Variants in CTNND2 observed in about 807,000 individuals in gnomAD.
The protein encoded by CTNND2 is catenin delta-2.
In CTNND2, 22 loss-of-function variants were observed where a neutral mutation model predicts 144.4. The ratio of observed to expected loss-of-function variants is 0.15; its 90% CI spans 0.11 to 0.22. The LOEUF is 0.22. Among genes scored for constraint, CTNND2 ranks in the 10% least tolerant of loss-of-function variants. CTNND2 has a pLI of 1.00. For synonymous variants in CTNND2, 751 were observed against 695.6 expected (o/e 1.08, Z -1.25); for missense variants, 1,353 against 1,618.8 (o/e 0.84, Z 2.82).
chr5:11,801,168 A>T (rs1791660725), intron 1 of CTNND2, among the ~76,000 whole-genome samples: 1 of 152,238 alleles, frequency 6.6e-6, no homozygotes. Context: ...TAAATAGCAC[A>T]CTGGCAAAAT....
chr5:11,296,672 T>C (rs915326177), intron 9 of CTNND2, among the ~76,000 whole-genome samples: 3 of 152,242 alleles, frequency 2.0e-5, no homozygotes, highest in Non-Finnish European at 2.9e-5. Context: ...GATGAGTTCA[T>C]GTCCTTTGTA....
intron 3 of CTNND2, among the ~76,000 whole-genome samples, chr5:11,427,414 A>G (rs1762877085): frequency 6.6e-6 from 1 of 151,274 alleles, no homozygotes; most frequent in South Asian, 2.1e-4. Context: ...AGTAGCTGGG[A>G]CTACAGGCGT....
intron 3 of CTNND2, among the ~76,000 whole-genome samples, chr5:11,413,847 C>T (rs1194489159): frequency 6.6e-6 from 1 of 152,142 alleles, no homozygotes; most frequent in African/African-American, 2.4e-5. Context: ...TAAGTGTTTA[C>T]ATGCCATGGA....
intron 14 of CTNND2, among the ~76,000 whole-genome samples, chr5:11,099,661 C>G (rs1199401976): frequency 1.3e-5 from 2 of 151,944 alleles, no homozygotes; most frequent in Non-Finnish European, 2.9e-5. Context: ...TTTCAAACTT[C>G]CTGTTCTATT....
chr5:11,822,353 G>T (rs1047956939), intron 1 of CTNND2, among the ~76,000 whole-genome samples: 1 of 152,116 alleles, frequency 6.6e-6, no homozygotes, highest in Non-Finnish European at 1.5e-5. Context: ...TAGTGACATG[G>T]TAAAAACAAT....
chr5:11,481,638 A>G (rs1376934116), intron 3 of CTNND2, among the ~76,000 whole-genome samples: 1 of 152,100 alleles, frequency 6.6e-6, no homozygotes, highest in Non-Finnish European at 1.5e-5. Flanking sequence ...AGAGAGAGAA[A>G]GAGAAAGAGA....
At chr5:11,062,999 G>A (rs370503358) in intron 16 of CTNND2, among the ~76,000 whole-genome samples, 2 of 152,152 alleles carry the variant, frequency 1.3e-5, no homozygotes, top group Non-Finnish European at 2.9e-5. Context: ...GCAGTTTCCA[G>A]TTCTTTACCT....
At chr5:11,723,062 C>G (rs1216198744) in intron 2 of CTNND2, among the ~76,000 whole-genome samples, 1 of 151,548 alleles carries the variant, frequency 6.6e-6, no homozygotes, top group African/African-American at 2.4e-5. Context: ...CTCTGGGGAA[C>G]AGCATGCTTT....
intron 6 of CTNND2, among the ~76,000 whole-genome samples, chr5:11,386,297 T>G (rs184923034): frequency 6.6e-5 from 10 of 151,820 alleles, no homozygotes; most frequent in Non-Finnish European, 1.2e-4. Flanking sequence ...AGGAGGGATT[T>G]GAAATGAGGG....
intron 16 of CTNND2, among the ~76,000 whole-genome samples, chr5:11,028,756 T>C (rs888638977): frequency 1.6e-4 from 25 of 152,302 alleles, no homozygotes; most frequent in Admixed American, 1.3e-3. Context: ...TCATCCAGGG[T>C]GTAGTGCACT....
intron 9 of CTNND2, among the ~76,000 whole-genome samples, chr5:11,281,155 T>A (rs1747071387): frequency 6.6e-6 from 1 of 152,136 alleles, no homozygotes; most frequent in African/African-American, 2.4e-5. Flanking sequence ...ATGGCAGACG[T>A]TTGCTCCTTG....
intron 2 of CTNND2, among the ~76,000 whole-genome samples, chr5:11,590,116 G>A (rs1288444252): frequency 2.0e-5 from 3 of 150,178 alleles, no homozygotes; most frequent in African/African-American, 7.4e-5. Context: ...CGCGATCTAA[G>A]TGCACTGCAA....
intron 2 of CTNND2, among the ~76,000 whole-genome samples, chr5:11,588,268 G>C (rs1779004635): frequency 6.7e-6 from 1 of 149,988 alleles, no homozygotes; most frequent in Non-Finnish European, 1.5e-5. Flanking sequence ...TACTCTCCAT[G>C]AATAATTTCT....
chr5:11,263,874 C>T (rs1221523633), intron 9 of CTNND2, among the ~76,000 whole-genome samples: 4 of 152,168 alleles, frequency 2.6e-5, no homozygotes, highest in South Asian at 2.1e-4. Flanking sequence ...CTAGACACAG[C>T]GTCCCAGGTG....
intron 9 of CTNND2, among the ~76,000 whole-genome samples, chr5:11,284,675 TG>T (rs757254891): frequency 1.3e-5 from 2 of 152,238 alleles, no homozygotes; most frequent in Non-Finnish European, 2.9e-5. Context: ...GATGGGCATT[TG>T]GGTTGATTCC....
intron 2 of CTNND2, among the ~76,000 whole-genome samples, chr5:11,701,122 G>A (rs1406919505): frequency 6.6e-6 from 1 of 152,166 alleles, no homozygotes. Context: ...TATTCTGAAA[G>A]GAGGCTTTTA....
At chr5:11,013,297 C>T (rs1741278070) in intron 18 of CTNND2, among the ~76,000 whole-genome samples, 1 of 152,104 alleles carries the variant, frequency 6.6e-6, no homozygotes, top group Non-Finnish European at 1.5e-5. Context: ...TTTCTTTGGG[C>T]CTTTATTTCC....
chr5:11,341,946 C>T (rs1323638823), intron 9 of CTNND2, among the ~76,000 whole-genome samples: 1 of 152,098 alleles, frequency 6.6e-6, no homozygotes, highest in African/African-American at 2.4e-5. Context: ...GAAGTTTGAG[C>T]CTGCAATGAG....
chr5:11,294,832 C>A (rs1205179514), intron 9 of CTNND2, among the ~76,000 whole-genome samples: 1 of 152,134 alleles, frequency 6.6e-6, no homozygotes, highest in East Asian at 1.9e-4. Context: ...GGACGTATCT[C>A]AAAATAATAA....
Sources: gnomAD v4.1 joint callset for allele counts (sites outside exome capture counted in the v4.1 genomes callset) on GRCh38, gnomAD v4.1.1 for gene constraint, MANE v1.5 for transcripts, NCBI Gene and HGNC (gene_info 2026-07-23, HGNC 2026-07-21) for gene names.